The following CHN2 variants were observed in gnomAD, a reference collection of about 807,000 sequenced individuals.
CHN2 encodes the protein chimerin 2, also known as beta-chimaerin.
CHN2 carries 35 observed loss-of-function variants against 56.3 expected under a neutral mutation model. The observed-to-expected ratio is 0.62, with a 90% CI of 0.47 to 0.82. The LOEUF (loss-of-function observed/expected upper bound fraction) is 0.82, where lower values mean the gene tolerates loss of function less well. Among genes scored for constraint, CHN2 ranks in the 40% least tolerant of loss-of-function variants. CHN2 has a pLI of 0.00. For synonymous variants in CHN2, 210 were observed against 212.8 expected (o/e 0.99, Z 0.12); for missense variants, 491 against 580.5 (o/e 0.85, Z 1.58).
intron 1 of CHN2, among the ~76,000 whole-genome samples, chr7:29,253,242 C>T (rs73309967): frequency 0.013 from 1,906 of 152,284 alleles, 31 homozygotes; most frequent in African/African-American, 0.036. Flanking sequence ...TTCTCTCTTC[C>T]GGCCTGTCAT....
intron 3 of CHN2, among the ~76,000 whole-genome samples, chr7:29,381,860 A>G (rs73078575): frequency 0.16 from 23,631 of 145,976 alleles, 2,252 homozygotes; most frequent in Non-Finnish European, 0.21. Flanking sequence ...GGGCGGACCA[A>G]TTGTGGTTAG....
At chr7:29,456,618 C>G (rs1474480436) in intron 6 of CHN2, among the ~76,000 whole-genome samples, 2 of 141,826 alleles carry the variant, frequency 1.4e-5, no homozygotes, top group East Asian at 4.8e-4. Flanking sequence ...CGCCCCCTCC[C>G]CCCCACCACC....
intron 1 of CHN2, among the ~76,000 whole-genome samples, chr7:29,233,051 G>A (rs1045448002): frequency 6.6e-6 from 1 of 152,114 alleles, no homozygotes; most frequent in African/African-American, 2.4e-5. Flanking sequence ...CTTGCTTTGA[G>A]TTTTCTCAAT....
intron 6 of CHN2, among the ~76,000 whole-genome samples, chr7:29,413,650 G>A (rs1220154512): frequency 6.6e-6 from 1 of 152,192 alleles, no homozygotes; most frequent in Non-Finnish European, 1.5e-5. Context: ...CCCGGGGCTT[G>A]GGAAAGCCAG....
At chr7:29,416,669 G>A (rs1314732444) in intron 6 of CHN2, among the ~76,000 whole-genome samples, 1 of 152,204 alleles carries the variant, frequency 6.6e-6, no homozygotes, top group African/African-American at 2.4e-5. Context: ...GCTGGCCCGG[G>A]CAGTAGAGTA....
At chr7:29,147,098 A>G in intron 2 of CHN2, 1 of 1,213,204 alleles carries the variant, frequency 8.2e-7, no homozygotes, top group South Asian at 1.5e-5. Flanking sequence ...GAGGTTAAGT[A>G]ACCCATCCAG....
In CHN2 at chr7:29,282,795, C is replaced by T. The variant is rs143240587; in HGVS notation, c.50-71830C>T. 6.9e-4 allele frequency among the ~76,000 whole-genome samples: 105 copies of T among 151,768 alleles called. No homozygotes were observed. The East Asian group carries it at 8.1e-3, about 12-fold the overall frequency. Reference sequence around the variant, plus strand: ...AAGAACAAATGCCATGAAGATCACGCGACAGAGAAAGACATAATCTTATTT... The same window carrying T: ...AAGAACAAATGCCATGAAGATCACGTGACAGAGAAAGACATAATCTTATTT... On this transcript the variant is annotated intron_variant, in intron 1 of 12. Coordinates refer to ENST00000222792, the MANE Select transcript of CHN2 (RefSeq NM_004067.4).
intron 2 of CHN2, among the ~76,000 whole-genome samples, chr7:29,174,795 G>A (rs958686549): frequency 6.6e-6 from 1 of 151,692 alleles, no homozygotes; most frequent in Non-Finnish European, 1.5e-5. Flanking sequence ...AAGAGGTGGA[G>A]GTTGCAGTGA....
chr7:29,155,620 T>G (rs2128700367), intron 2 of CHN2, among the ~76,000 whole-genome samples: 1 of 152,360 alleles, frequency 6.6e-6, no homozygotes, highest in South Asian at 2.1e-4. Flanking sequence ...TTTGTCTAGC[T>G]GCCTCCACTC....
chr7:29,420,501 T>C (rs900172686), intron 6 of CHN2, among the ~76,000 whole-genome samples: 3 of 152,226 alleles, frequency 2.0e-5, no homozygotes, highest in Non-Finnish European at 4.4e-5. Flanking sequence ...TTGAGGACAT[T>C]ATGCTAAGTG....
chr7:29,175,483 G>A (rs1797185313), intron 2 of CHN2, among the ~76,000 whole-genome samples: 1 of 151,954 alleles, frequency 6.6e-6, no homozygotes, highest in Non-Finnish European at 1.5e-5. Context: ...GCTGAGAGCT[G>A]ATGATTTTAT....
At chr7:29,302,015 C>T (rs534098347) in intron 1 of CHN2, among the ~76,000 whole-genome samples, 1 of 152,304 alleles carries the variant, frequency 6.6e-6, no homozygotes, top group South Asian at 2.1e-4. Context: ...CCTTGAGGAA[C>T]ATGGGCAAAG....
chr7:29,323,281 T>G (rs1384176434), intron 1 of CHN2, among the ~76,000 whole-genome samples: 1 of 151,920 alleles, frequency 6.6e-6, no homozygotes, highest in East Asian at 1.9e-4. Context: ...ATGGATACCC[T>G]GCTCACTCAG....
chr7:29,407,915 T>C (rs780955655), intron 6 of CHN2, among the ~76,000 whole-genome samples: 5 of 152,190 alleles, frequency 3.3e-5, no homozygotes, highest in Non-Finnish European at 5.9e-5. Flanking sequence ...TGGCCGGGCT[T>C]GGTGGCTCAT....
intron 1 of CHN2, among the ~76,000 whole-genome samples, chr7:29,232,436 C>T (rs969525323): frequency 1.3e-5 from 2 of 152,158 alleles, no homozygotes; most frequent in African/African-American, 4.8e-5. Context: ...AATTACTCTC[C>T]TGGAGTCACA....
chr7:29,401,727 C>G (rs1436124150), intron 6 of CHN2, among the ~76,000 whole-genome samples: 1 of 152,156 alleles, frequency 6.6e-6, no homozygotes, highest in Non-Finnish European at 1.5e-5. Context: ...TTAAAAAACT[C>G]CTAAGTGGGC....
chr7:29,314,647 A>G (rs1436367689), intron 1 of CHN2, among the ~76,000 whole-genome samples: 3 of 152,206 alleles, frequency 2.0e-5, no homozygotes, highest in Admixed American at 2.0e-4. Context: ...TAATTCACTG[A>G]AAATTCCAAG....
intron 1 of CHN2, among the ~76,000 whole-genome samples, chr7:29,232,674 G>A (rs1240025242): frequency 6.6e-6 from 1 of 150,438 alleles, no homozygotes; most frequent in East Asian, 2.0e-4. Flanking sequence ...TTGGGGCTTG[G>A]TTGAGGTCAT....
chr7:29,324,481 A>G (rs935232764), intron 1 of CHN2, among the ~76,000 whole-genome samples: 3 of 152,122 alleles, frequency 2.0e-5, no homozygotes, highest in Non-Finnish European at 2.9e-5. Context: ...AGCTGTTACA[A>G]TTTTTCTCAC....
Sources: gnomAD v4.1 joint callset for allele counts (sites outside exome capture counted in the v4.1 genomes callset) on GRCh38, gnomAD v4.1.1 for gene constraint, MANE v1.5 for transcripts, NCBI Gene and HGNC (gene_info 2026-07-23, HGNC 2026-07-21) for gene names.